Variants in MKLN1 observed in about 807,000 individuals in gnomAD.
MKLN1 encodes the protein muskelin.
In MKLN1, 18 loss-of-function variants were observed where a neutral mutation model predicts 99.0. The ratio of observed to expected loss-of-function variants is 0.18; its 90% confidence interval spans 0.13 to 0.27. The LOEUF (loss-of-function observed/expected upper bound fraction) is 0.27, where lower values mean the gene tolerates loss of function less well. Ranked by LOEUF, MKLN1 falls within the 10% of genes least tolerant of loss-of-function variation. The probability of loss-of-function intolerance (pLI) is 1.00; values close to 1 mark genes in which losing one functional copy is unlikely to be tolerated. For missense variants in MKLN1, 621 were observed against 875.9 expected (o/e 0.71, Z 3.67); for synonymous variants, 288 against 293.2 (o/e 0.98, Z 0.18).
At chr7:131,236,362 G>A (rs752426293) in intron 3 of MKLN1, among the ~76,000 whole-genome samples, 5 of 152,088 alleles carry the variant, frequency 3.3e-5, no homozygotes, top group Middle Eastern at 6.8e-3. Context: ...CACTATCCCC[G>A]CTAAAAAAGT....
chr7:131,171,446 G>C (rs1796213314), intron 2 of MKLN1, among the ~76,000 whole-genome samples: 1 of 151,964 alleles, frequency 6.6e-6, no homozygotes, highest in East Asian at 1.9e-4. Context: ...CTTTATTATT[G>C]TTTAAATATT....
upstream of MKLN1, chr7:131,323,803 CT>C (rs2116668743): frequency 6.6e-6 from 1 of 152,282 alleles, no homozygotes; most frequent in South Asian, 2.1e-4. Context: ...ATTGGATTGT[CT>C]GTAATTGTCA....
chr7:131,480,490 T>C (rs1797092467), intron 17 of MKLN1, among the ~76,000 whole-genome samples: 1 of 152,208 alleles, frequency 6.6e-6, no homozygotes, highest in Admixed American at 6.5e-5. Context: ...TGATTGAGGC[T>C]TCTCGACTGA....
At chr7:131,271,067 G>A (rs1380274623) in intron 3 of MKLN1, among the ~76,000 whole-genome samples, 2 of 152,086 alleles carry the variant, frequency 1.3e-5, no homozygotes, top group African/African-American at 4.8e-5. Context: ...AAAAATATAA[G>A]ATTCGTGATC....
chr7:131,342,934 A>G (rs1005925472), intron 1 of MKLN1, among the ~76,000 whole-genome samples: 4 of 152,252 alleles, frequency 2.6e-5, no homozygotes, highest in Admixed American at 6.5e-5. Flanking sequence ...TACTGATTCC[A>G]GATAATAGCC....
intron 2 of MKLN1, among the ~76,000 whole-genome samples, chr7:131,190,435 T>C (rs1234803017): frequency 1.3e-5 from 2 of 151,340 alleles, no homozygotes; most frequent in Non-Finnish European, 2.9e-5. Flanking sequence ...CAATTGGAAA[T>C]TTCCATTCTT....
chr7:131,257,148 A>G (rs1264578599), intron 3 of MKLN1, among the ~76,000 whole-genome samples: 1 of 152,194 alleles, frequency 6.6e-6, no homozygotes, highest in Admixed American at 6.5e-5. Flanking sequence ...AAAATGCTCC[A>G]ACCAACAACA....
chr7:131,242,157 C>T (rs920099098), intron 3 of MKLN1, among the ~76,000 whole-genome samples: 6 of 152,210 alleles, frequency 3.9e-5, no homozygotes, highest in East Asian at 3.8e-4. Flanking sequence ...AAGATGACCA[C>T]GGCCAACGGC....
At chr7:131,337,082 C>T (rs545137667) in intron 1 of MKLN1, among the ~76,000 whole-genome samples, 4 of 152,254 alleles carry the variant, frequency 2.6e-5, no homozygotes, top group Admixed American at 1.3e-4. Flanking sequence ...CAAAATCAGC[C>T]GTCAGACTTA....
rs189089127 is a variant in MKLN1, at chr7:131,349,429, T to C, written c.98+21432T>C. Reference sequence around the variant, plus strand: ...CCAGGATGGTCTCTATCTGTTGACCTTGTGATCCACCTGCCTCAGCCTCCC... The same window carrying C: ...CCAGGATGGTCTCTATCTGTTGACCCTGTGATCCACCTGCCTCAGCCTCCC... On this transcript the variant is annotated intron_variant, in intron 1 of 17. Coordinates refer to ENST00000352689, the MANE Select transcript of MKLN1 (RefSeq NM_013255.5). 2.5e-3 allele frequency among the ~76,000 whole-genome samples: 381 copies of C among 152,276 alleles called. 1 individual carries two copies. The highest frequency in any genetic ancestry group is 8.2e-3 in the African/African-American group (341 of 41,554).
intron 3 of MKLN1, chr7:131,242,970 A>G: frequency 1.6e-6 from 1 of 637,486 alleles, no homozygotes; most frequent in Admixed American, 1.9e-5. Flanking sequence ...GACAGGCAAG[A>G]ACAAGCGGTT....
chr7:131,190,273 A>G (rs1269688248), intron 2 of MKLN1, among the ~76,000 whole-genome samples: 1 of 152,106 alleles, frequency 6.6e-6, no homozygotes, highest in African/African-American at 2.4e-5. Context: ...TCCCCTAATT[A>G]CAAGTTGGAG....
At chr7:131,158,429 A>G (rs964009749) in intron 2 of MKLN1, among the ~76,000 whole-genome samples, 1 of 151,510 alleles carries the variant, frequency 6.6e-6, no homozygotes, top group South Asian at 2.1e-4. Context: ...GTGAAACTCC[A>G]TCTCAAACAA....
At chr7:131,348,375 T>TC (rs1799623608) in intron 1 of MKLN1, among the ~76,000 whole-genome samples, 5 of 152,194 alleles carry the variant, frequency 3.3e-5, no homozygotes, top group Non-Finnish European at 7.3e-5. Context: ...AAATAATTCA[T>TC]ATATATGCAG....
intron 8 of MKLN1, among the ~76,000 whole-genome samples, chr7:131,415,960 C>G (rs1358675538): frequency 2.0e-5 from 3 of 152,090 alleles, no homozygotes; most frequent in African/African-American, 4.8e-5. Context: ...CCCTCCCCTG[C>G]CCAACCTTTT....
intron 3 of MKLN1, among the ~76,000 whole-genome samples, chr7:131,253,668 CAG>C (rs1407400724): frequency 6.6e-6 from 1 of 152,182 alleles, no homozygotes; most frequent in Non-Finnish European, 1.5e-5. Flanking sequence ...AGTTCCAGAG[CAG>C]AGTCTCAGAG....
chr7:131,416,979 C>CAAAAAAAAAAAAAAAAAA (rs374145180), intron 8 of MKLN1, among the ~76,000 whole-genome samples: 1 of 49,564 alleles, frequency 2.0e-5, no homozygotes, highest in Non-Finnish European at 4.5e-5. Flanking sequence ...GCAACCCTGT[C>CAAAAAAAAAAAAAAAAAA]AAAAAAAAAA....
intron 3 of MKLN1, among the ~76,000 whole-genome samples, chr7:131,262,699 C>A (rs1797750559): frequency 6.6e-6 from 1 of 151,814 alleles, no homozygotes; most frequent in African/African-American, 2.4e-5. Flanking sequence ...TGCAGGCATG[C>A]ACCACCACAC....
intron 1 of MKLN1, among the ~76,000 whole-genome samples, chr7:131,116,096 G>A (rs1795274083): frequency 6.6e-6 from 1 of 152,020 alleles, no homozygotes; most frequent in African/African-American, 2.4e-5. Context: ...ACGAGGTCAG[G>A]AGATCGAGAC....
Sources: allele counts gnomAD v4.1 joint callset (sites outside exome capture counted in the v4.1 genomes callset), GRCh38; gene constraint gnomAD v4.1.1; transcripts MANE v1.5; gene names NCBI Gene and HGNC (gene_info 2026-07-23, HGNC 2026-07-21).